LYPLAL1: variants seen among roughly 807,000 people sequenced by gnomAD.
The protein encoded by LYPLAL1 is lysophospholipase-like protein 1.
LYPLAL1 carries 23 observed loss-of-function variants against 19.7 expected under a neutral mutation model. The observed-to-expected ratio is 1.17, with a 90% CI of 0.84 to 1.65. LYPLAL1 has a LOEUF of 1.65. Among genes scored for constraint, LYPLAL1 ranks in the 40% most tolerant of loss-of-function variants. The probability of loss-of-function intolerance (pLI) is 0.00; values close to 1 mark genes in which losing one functional copy is unlikely to be tolerated. For missense variants in LYPLAL1, 355 were observed against 279.4 expected, an observed-to-expected ratio of 1.27 and a Z score of -1.93; for synonymous variants, 119 against 96.3, an observed-to-expected ratio of 1.24 and a Z score of -1.38.
chr1:219,317,919 A>G, the LYPLAL1 span, among the ~76,000 whole-genome samples: 4 of 152,070 alleles, frequency 2.6e-5, no homozygotes, highest in Non-Finnish European at 5.9e-5. Context: ...TCTTTTGTGG[A>G]CTCTGTAGGT....
At chr1:219,304,981 G>T in the LYPLAL1 span, among the ~76,000 whole-genome samples, 1 of 152,246 alleles carries the variant, frequency 6.6e-6, no homozygotes, top group African/African-American at 2.4e-5. Context: ...CTGAGAACTT[G>T]TGAGAATGCA....
chr1:219,427,499 C>T, the LYPLAL1 span, among the ~76,000 whole-genome samples: 1 of 152,214 alleles, frequency 6.6e-6, no homozygotes, highest in African/African-American at 2.4e-5. Flanking sequence ...GTACTATCTT[C>T]ACTGAGGCTG....
rs1393127455 is a variant in LYPLAL1 at position 219,173,886 on chromosome 1, C to T, written c.-5C>T. ...GGAACCGCATGACTGGCAGTGGCAT[C>T]AGCGATGGCGGCTGCGTCGGGGTCG... On this transcript the variant is annotated 5_prime_UTR_variant, in exon 1 of 5. Coordinates refer to ENST00000366928, the MANE Select transcript of LYPLAL1 (RefSeq NM_138794.5). 1.9e-6 allele frequency: 3 copies of T among 1,611,970 alleles called. No homozygotes were observed. Among genetic ancestry groups the T allele is most frequent in the Non-Finnish European group, 2.5e-6 (3 of 1,179,870 alleles).
chr1:219,182,480 G>T (rs1255340018), intron 2 of LYPLAL1, among the ~76,000 whole-genome samples: 1 of 152,002 alleles, frequency 6.6e-6, no homozygotes, highest in Admixed American at 6.6e-5. Context: ...AGAGATTCTG[G>T]TGTCATCTAC....
chr1:219,297,839 T>C, the LYPLAL1 span, among the ~76,000 whole-genome samples: 1 of 152,182 alleles, frequency 6.6e-6, no homozygotes, highest in East Asian at 1.9e-4. Flanking sequence ...TTTTAGTTGG[T>C]AAAACACTAA....
At chr1:219,174,532 C>T (rs1310742934) in intron 1 of LYPLAL1, among the ~76,000 whole-genome samples, 1 of 152,322 alleles carries the variant, frequency 6.6e-6, no homozygotes, top group South Asian at 2.1e-4. Flanking sequence ...CTCTTTCCTT[C>T]CTTTCCCTTT....
At chr1:219,236,794 G>T in the LYPLAL1 span, among the ~76,000 whole-genome samples, 1 of 152,154 alleles carries the variant, frequency 6.6e-6, no homozygotes, top group Non-Finnish European at 1.5e-5. Context: ...TGCAGGATGT[G>T]CAGGTTTGTT....
intron 2 of LYPLAL1, among the ~76,000 whole-genome samples, chr1:219,190,591 C>T (rs1380911112): frequency 1.8e-5 from 1 of 55,362 alleles, no homozygotes; most frequent in African/African-American, 6.8e-5. Flanking sequence ...TTTAAAAAGA[C>T]ATTATATCAA....
At chr1:219,239,981 T>A in the LYPLAL1 span, among the ~76,000 whole-genome samples, 1 of 152,264 alleles carries the variant, frequency 6.6e-6, no homozygotes, top group Non-Finnish European at 1.5e-5. Flanking sequence ...TCTACTATCA[T>A]TAAACCTTGT....
chr1:219,300,530 CTTT>C, the LYPLAL1 span, among the ~76,000 whole-genome samples: 5 of 82,006 alleles, frequency 6.1e-5, no homozygotes, highest in Admixed American at 1.7e-4. Flanking sequence ...TTTATCCTAA[CTTT>C]TTTTTTTTTT....
At chr1:219,325,120 T>C in the LYPLAL1 span, among the ~76,000 whole-genome samples, 30 of 152,178 alleles carry the variant, frequency 2.0e-4, no homozygotes, top group Admixed American at 1.6e-3. Flanking sequence ...CAAGAATCCA[T>C]GATAACACTT....
the LYPLAL1 span, among the ~76,000 whole-genome samples, chr1:219,327,471 A>G: frequency 6.6e-6 from 1 of 152,208 alleles, no homozygotes; most frequent in Admixed American, 6.5e-5. Context: ...AGCTCAGAAC[A>G]TCAGGAGGCA....
the LYPLAL1 span, among the ~76,000 whole-genome samples, chr1:219,340,526 G>C: frequency 1.3e-5 from 2 of 151,974 alleles, no homozygotes; most frequent in Non-Finnish European, 2.9e-5. Flanking sequence ...GCTTATTCCA[G>C]CTCCTTCTTA....
intron 3 of LYPLAL1, among the ~76,000 whole-genome samples, chr1:219,199,442 CT>C (rs796698708): frequency 1.3e-3 from 184 of 143,822 alleles, no homozygotes; most frequent in Non-Finnish European, 1.1e-3. Flanking sequence ...TAATACTGAT[CT>C]TTTTTTTTTT....
the LYPLAL1 span, among the ~76,000 whole-genome samples, chr1:219,278,678 AAACAAC>A: frequency 7.4e-4 from 112 of 150,742 alleles, no homozygotes; most frequent in African/African-American, 2.5e-3. Context: ...AAAAATCACT[AAACAAC>A]AACAACAACA....
chr1:219,245,627 T>A, the LYPLAL1 span, among the ~76,000 whole-genome samples: 1 of 152,196 alleles, frequency 6.6e-6, no homozygotes, highest in East Asian at 1.9e-4. Flanking sequence ...ATAATCAAAT[T>A]TGAAGTGGAC....
intron 3 of LYPLAL1, among the ~76,000 whole-genome samples, chr1:219,203,588 A>G (rs1246901614): frequency 1.3e-5 from 2 of 152,240 alleles, no homozygotes; most frequent in Non-Finnish European, 2.9e-5. Context: ...TGAAGTGGCA[A>G]CTGAGTCTTA....
At chr1:219,335,428 A>G in the LYPLAL1 span, among the ~76,000 whole-genome samples, 1 of 151,930 alleles carries the variant, frequency 6.6e-6, no homozygotes, top group East Asian at 1.9e-4. Flanking sequence ...TTTCTGGGGT[A>G]TATCTTCACA....
At chr1:219,402,769 GA>G in the LYPLAL1 span, among the ~76,000 whole-genome samples, 9 of 151,932 alleles carry the variant, frequency 5.9e-5, no homozygotes, top group Non-Finnish European at 1.3e-4. Context: ...AATTCAGTCT[GA>G]ATTCATACTC....
Sources: allele counts gnomAD v4.1 joint callset (sites outside exome capture counted in the v4.1 genomes callset), GRCh38; gene constraint gnomAD v4.1.1; transcripts MANE v1.5; gene names NCBI Gene and HGNC (gene_info 2026-07-23, HGNC 2026-07-21).